The following ARHGEF4 variants were observed in gnomAD, a reference collection of about 807,000 sequenced individuals.
The protein encoded by ARHGEF4 is Rho guanine nucleotide exchange factor 4, also known as APC-stimulated guanine nucleotide exchange factor 1.
In ARHGEF4, 119 loss-of-function variants were observed where a neutral mutation model predicts 162.0. The ratio of observed to expected loss-of-function variants is 0.73; its 90% confidence interval spans 0.63 to 0.86. ARHGEF4 has a LOEUF of 0.86. ARHGEF4 is among the 40% of genes least tolerant of loss of function. ARHGEF4 has a pLI of 0.00. For synonymous variants in ARHGEF4, 1,014 were observed against 979.9 expected, an observed-to-expected ratio of 1.03 and a Z score of -0.65; for missense variants, 2,488 against 2,456.0, an observed-to-expected ratio of 1.01 and a Z score of -0.28.
chr2:131,010,776 T>C (rs1053110522), intron 4 of ARHGEF4, among the ~76,000 whole-genome samples: 1 of 152,168 alleles, frequency 6.6e-6, no homozygotes, highest in African/African-American at 2.4e-5. Flanking sequence ...AGAGCAAGTG[T>C]CTCTGTTGTG....
chr2:130,969,402 C>G (rs1307369287), intron 4 of ARHGEF4, among the ~76,000 whole-genome samples: 1 of 152,004 alleles, frequency 6.6e-6, no homozygotes, highest in African/African-American at 2.4e-5. Flanking sequence ...GCGAGACCAT[C>G]CTGGCTAACA....
At position 130,915,893 on chromosome 2, in the gene ARHGEF4, G is replaced by A. The variant is rs1681454796; in HGVS notation, c.1947G>A (p.Gly649=). The A allele has an allele frequency of 6.5e-7, 1 of 1,550,186 alleles. No individual in the cohort carries two copies. Among genetic ancestry groups the A allele is most frequent in the African/African-American group, 1.4e-5 (1 of 73,174 alleles). Residue 649 remains glycine (G), a synonymous_variant, in exon 2 of 14, where the codon GGG becomes GGA. Coordinates refer to ENST00000409359, the MANE Select transcript of ARHGEF4 (RefSeq NM_001367493.1). ...TTCAGGCCAGCAGGAGCAATGCGGG[G>A]CCTGTTCCAGAAACACTGCCCCGTG... ...KGLQASRSNA[G]PVPETLPRDF... is the part of the protein sequence containing the mutation.
intron 4 of ARHGEF4, among the ~76,000 whole-genome samples, chr2:130,976,767 A>G (rs1267078347): frequency 2.6e-5 from 4 of 152,256 alleles, no homozygotes; most frequent in Admixed American, 2.6e-4. Flanking sequence ...AAGAGGGCCC[A>G]TCAGAAAGCC....
intron 1 of ARHGEF4, among the ~76,000 whole-genome samples, chr2:130,871,459 C>G (rs1415255028): frequency 6.6e-6 from 1 of 151,834 alleles, no homozygotes; most frequent in Non-Finnish European, 1.5e-5. Flanking sequence ...TTGCTTGAAC[C>G]CGGGAGGCAG....
At chr2:130,898,029 A>G (rs1680260697) in intron 1 of ARHGEF4, among the ~76,000 whole-genome samples, 1 of 152,236 alleles carries the variant, frequency 6.6e-6, no homozygotes, top group African/African-American at 2.4e-5. Flanking sequence ...GTACAGGCAG[A>G]ATACAGGGTT....
intron 1 of ARHGEF4, among the ~76,000 whole-genome samples, chr2:130,865,622 CT>C (rs1156977029): frequency 3.9e-5 from 6 of 152,196 alleles, no homozygotes; most frequent in Non-Finnish European, 8.8e-5. Context: ...GTGCTGTCGA[CT>C]GCTGATCTTT....
intron 1 of ARHGEF4, among the ~76,000 whole-genome samples, chr2:130,902,254 C>T (rs1311111810): frequency 6.7e-6 from 1 of 149,156 alleles, no homozygotes; most frequent in African/African-American, 2.4e-5. Flanking sequence ...CTCCTTCCCT[C>T]CCTCCTTCCT....
chr2:130,926,242 T>C (rs1682281042), intron 2 of ARHGEF4, among the ~76,000 whole-genome samples: 1 of 152,064 alleles, frequency 6.6e-6, no homozygotes, highest in Non-Finnish European at 1.5e-5. Context: ...ATATTCTTTA[T>C]ATATTCTATT....
At chr2:130,867,974 G>A (rs1350565443) in intron 1 of ARHGEF4, among the ~76,000 whole-genome samples, 1 of 139,892 alleles carries the variant, frequency 7.1e-6, no homozygotes, top group African/African-American at 2.7e-5. Flanking sequence ...CACCCAGGCT[G>A]GAGTGCAGTG....
Position 130,853,142 on chromosome 2 carries a change from C to G in ARHGEF4, c.39+16150C>G, listed in dbSNP as rs78734930. 5.5e-3 allele frequency among the ~76,000 whole-genome samples: 841 copies of G among 152,288 alleles called. 5 individuals are homozygous for G. The highest frequency in any genetic ancestry group is 0.018 in the African/African-American group (744 of 41,562). On this transcript the variant is annotated intron_variant, in intron 1 of 13. Transcript: ENST00000409359. ...CTTCATATGGCACCATGAGGGACCC[C>G]GGAATCCCCACACCTATCCCAAGGC...
intron 2 of ARHGEF4, among the ~76,000 whole-genome samples, chr2:130,924,628 G>C (rs901141277): frequency 6.6e-6 from 1 of 152,112 alleles, no homozygotes; most frequent in Non-Finnish European, 1.5e-5. Flanking sequence ...TTCAGGTTTG[G>C]GGGCAGAGAG....
chr2:130,868,142 G>A (rs1207550134), intron 1 of ARHGEF4, among the ~76,000 whole-genome samples: 1 of 151,840 alleles, frequency 6.6e-6, no homozygotes, highest in African/African-American at 2.4e-5. Flanking sequence ...AGCCAGGATC[G>A]TCTCGATCTC....
intron 1 of ARHGEF4, among the ~76,000 whole-genome samples, chr2:130,853,682 C>T (rs1048889914): frequency 2.0e-5 from 3 of 152,178 alleles, no homozygotes; most frequent in African/African-American, 7.2e-5. Context: ...TCCTAGGGGC[C>T]TATGGTGCGG....
chr2:130,915,199 C>T lies in ARHGEF4; in HGVS notation c.1253C>T (p.Thr418Ile), dbSNP rs778020320. 2.5e-5 allele frequency: 39 copies of T among 1,550,498 alleles called. No homozygotes were observed. Among genetic ancestry groups the T allele is most frequent in the Non-Finnish European group, 3.1e-5 (36 of 1,147,014 alleles). Residue 418 changes from threonine to isoleucine, a missense_variant, in exon 2 of 14, where the codon ACT (threonine) becomes ATT (isoleucine). Transcript: ENST00000409359. ...CGCTTGCAAAGGGCCTCTCAGGACA[C>T]TCCTTCTGCAGGTCTCCTGGGGGAA... Reference protein sequence around the residue: ...GFRLQRASQDTPSAGLLGENQ... With the variant: ...GFRLQRASQDIPSAGLLGENQ...
At chr2:130,970,809 GTGCAAGTACTT>G (rs1372911327) in intron 4 of ARHGEF4, among the ~76,000 whole-genome samples, 1 of 152,128 alleles carries the variant, frequency 6.6e-6, no homozygotes, top group East Asian at 1.9e-4. Flanking sequence ...TATATTCTGA[GTGCAAGTACTT>G]TGTTAGATAT....
chr2:130,866,125 C>T (rs1251279907), intron 1 of ARHGEF4, among the ~76,000 whole-genome samples: 2 of 152,146 alleles, frequency 1.3e-5, no homozygotes, highest in Non-Finnish European at 2.9e-5. Flanking sequence ...AATCCCAGTA[C>T]TTTGGGAGTC....
intron 1 of ARHGEF4, among the ~76,000 whole-genome samples, chr2:130,888,183 A>C (rs563416617): frequency 4.1e-4 from 63 of 152,212 alleles, no homozygotes; most frequent in African/African-American, 1.4e-3. Context: ...CTTTAAAAAA[A>C]TGCTTAGCAG....
chr2:130,895,676 T>C (rs537199781), intron 1 of ARHGEF4, among the ~76,000 whole-genome samples: 1 of 152,320 alleles, frequency 6.6e-6, no homozygotes, highest in East Asian at 1.9e-4. Context: ...TTGCATATGC[T>C]TTTTTTGGGT....
intron 4 of ARHGEF4, among the ~76,000 whole-genome samples, chr2:130,994,841 G>A (rs1452390337): frequency 2.0e-5 from 3 of 152,142 alleles, no homozygotes; most frequent in Non-Finnish European, 4.4e-5. Context: ...GTATAGAAGT[G>A]GACTCTTTAT....
Sources: allele counts gnomAD v4.1 joint callset (sites outside exome capture counted in the v4.1 genomes callset), GRCh38; gene constraint gnomAD v4.1.1; transcripts MANE v1.5; gene names NCBI Gene and HGNC (gene_info 2026-07-23, HGNC 2026-07-21).